Variants in JPH3 observed in about 807,000 individuals in gnomAD.
JPH3 encodes junctophilin-3.
Under a neutral mutation model 59.6 loss-of-function variants are expected in JPH3, and 11 were observed. The observed-to-expected ratio is 0.18, with a 90% CI of 0.12 to 0.31. The LOEUF is 0.31. Ranked by LOEUF, JPH3 falls within the 10% of genes least tolerant of loss-of-function variation. The pLI is 1.00. For missense variants in JPH3, 1,202 were observed against 1,105.7 expected, an observed-to-expected ratio of 1.09 and a Z score of -1.24; for synonymous variants, 673 against 483.6, an observed-to-expected ratio of 1.39 and a Z score of -5.14.
intron 2 of JPH3, among the ~76,000 whole-genome samples, chr16:87,657,931 A>G (rs1008810244): frequency 6.6e-6 from 1 of 152,178 alleles, no homozygotes; most frequent in Non-Finnish European, 1.5e-5. Flanking sequence ...GGTGGCTGCC[A>G]GGGGATGGAC....
At chr16:87,692,339 G>T (rs572864334) in intron 4 of JPH3, among the ~76,000 whole-genome samples, 4 of 152,204 alleles carry the variant, frequency 2.6e-5, no homozygotes, top group African/African-American at 9.6e-5. Context: ...AGCAGGAGGG[G>T]CCCGTGCCAG....
At chr16:87,663,445 G>A (rs577279763) in intron 2 of JPH3, among the ~76,000 whole-genome samples, 1 of 152,200 alleles carries the variant, frequency 6.6e-6, no homozygotes, top group Non-Finnish European at 1.5e-5. Flanking sequence ...AGTCGGTTTT[G>A]CTACAAAGCT....
intron 1 of JPH3, among the ~76,000 whole-genome samples, chr16:87,636,474 C>T (rs755198445): frequency 3.9e-5 from 6 of 152,164 alleles, no homozygotes; most frequent in Non-Finnish European, 5.9e-5. Flanking sequence ...ACCGAGGGAG[C>T]GAGGGAGAGG....
At chr16:87,661,954 TTGA>T (rs2032718049) in intron 2 of JPH3, among the ~76,000 whole-genome samples, 1 of 152,252 alleles carries the variant, frequency 6.6e-6, no homozygotes, top group Non-Finnish European at 1.5e-5. Context: ...TGAGTGGCAG[TTGA>T]TTTTACGCTC....
At chr16:87,672,089 C>T (rs979807462) in intron 2 of JPH3, among the ~76,000 whole-genome samples, 5 of 151,546 alleles carry the variant, frequency 3.3e-5, no homozygotes, top group African/African-American at 4.9e-5. Flanking sequence ...CCTCGCCGGG[C>T]GGGGTTCACC....
rs558554710 is a variant in JPH3 at position 87,673,525 on chromosome 16, A to G, written c.1161-10617A>G. 7.2e-4 allele frequency among the ~76,000 whole-genome samples: 109 copies of G among 152,324 alleles called. 1 individual carries two copies. Among genetic ancestry groups the G allele is most frequent in the African/African-American group, 2.5e-3 (105 of 41,562 alleles). ...CTGAAGATGGATTTGTGTGTGAAATATCAAATATACAAGGTTGTTATTAGA... is the reference window on the plus strand; with the variant it reads ...CTGAAGATGGATTTGTGTGTGAAATGTCAAATATACAAGGTTGTTATTAGA... On this transcript the variant is annotated intron_variant, in intron 2 of 4. Coordinates refer to ENST00000284262, the MANE Select transcript of JPH3 (RefSeq NM_020655.4).
chr16:87,672,556 G>C (rs1046738082), intron 2 of JPH3, among the ~76,000 whole-genome samples: 1 of 152,222 alleles, frequency 6.6e-6, no homozygotes, highest in African/African-American at 2.4e-5. Flanking sequence ...ATCCTGTATT[G>C]GGGGAGAACG....
At chr16:87,619,453 G>A (rs1345763937) in intron 1 of JPH3, among the ~76,000 whole-genome samples, 2 of 152,216 alleles carry the variant, frequency 1.3e-5, no homozygotes, top group African/African-American at 4.8e-5. Flanking sequence ...TCCGTTGGAG[G>A]TTGGACTTCT....
chr16:87,647,582 C>T (rs532698337), intron 2 of JPH3, among the ~76,000 whole-genome samples: 3 of 152,284 alleles, frequency 2.0e-5, no homozygotes, highest in Non-Finnish European at 2.9e-5. Flanking sequence ...GAGCGGGCGT[C>T]GCGGGGAGGG....
At chr16:87,642,284 C>T (rs980101659) in intron 1 of JPH3, among the ~76,000 whole-genome samples, 13 of 151,962 alleles carry the variant, frequency 8.6e-5, no homozygotes, top group Non-Finnish European at 7.4e-5. Context: ...TGCTTCGCTC[C>T]GAGAGATGGC....
At chr16:87,635,408 T>A (rs897340809) in intron 1 of JPH3, among the ~76,000 whole-genome samples, 4 of 152,116 alleles carry the variant, frequency 2.6e-5, no homozygotes, top group Non-Finnish European at 5.9e-5. Flanking sequence ...GTGCAGGCCC[T>A]GGTGAGAGAC....
At chr16:87,684,998 C>G (rs1390219093) in intron 3 of JPH3, among the ~76,000 whole-genome samples, 1 of 152,214 alleles carries the variant, frequency 6.6e-6, no homozygotes. Flanking sequence ...CGCGCCCCCT[C>G]AACCCGAGCT....
intron 2 of JPH3, among the ~76,000 whole-genome samples, chr16:87,666,001 C>T (rs1219971445): frequency 1.3e-5 from 2 of 152,182 alleles, no homozygotes; most frequent in African/African-American, 4.8e-5. Context: ...TGCAGAGGCC[C>T]GCTCGATCCA....
chr16:87,649,071 G>A (rs2032246305), intron 2 of JPH3, among the ~76,000 whole-genome samples: 1 of 152,324 alleles, frequency 6.6e-6, no homozygotes, highest in African/African-American at 2.4e-5. Flanking sequence ...GTGGAGACGA[G>A]GGAGGGGTGA....
At chr16:87,602,360 G>A (rs1007522125), upstream of JPH3, among the ~76,000 whole-genome samples, 3 of 133,606 alleles carry the variant, frequency 2.2e-5, no homozygotes, top group Non-Finnish European at 3.3e-5. Context: ...GTCCCCGCCC[G>A]CGCGCCGCGC....
At chr16:87,631,749 T>G (rs2031573017) in intron 1 of JPH3, among the ~76,000 whole-genome samples, 1 of 152,208 alleles carries the variant, frequency 6.6e-6, no homozygotes, top group South Asian at 2.1e-4. Context: ...CTTACTGTTT[T>G]GCCTACCTAC....
intron 1 of JPH3, among the ~76,000 whole-genome samples, chr16:87,626,808 C>T (rs1283271454): frequency 6.6e-6 from 1 of 152,168 alleles, no homozygotes; most frequent in Non-Finnish European, 1.5e-5. Context: ...TTCACTCAGG[C>T]ACAGCTCTTC....
chr16:87,687,565 C>G (rs191379138), intron 3 of JPH3, among the ~76,000 whole-genome samples: 1 of 152,334 alleles, frequency 6.6e-6, no homozygotes, highest in Non-Finnish European at 1.5e-5. Flanking sequence ...GCCATCCGCC[C>G]CCGCCCCAGA....
chr16:87,604,943 G>C (rs1238987452), intron 1 of JPH3: 3 of 453,336 alleles, frequency 6.6e-6, no homozygotes, highest in East Asian at 1.4e-4. Flanking sequence ...GGCCGGGCGG[G>C]AGCAGACGGT....
Sources: gnomAD v4.1 joint callset for allele counts (sites outside exome capture counted in the v4.1 genomes callset) on GRCh38, gnomAD v4.1.1 for gene constraint, MANE v1.5 for transcripts, NCBI Gene and HGNC (gene_info 2026-07-23, HGNC 2026-07-21) for gene names.